Variants in ELF5 observed in about 807,000 individuals in gnomAD.
ELF5 encodes the protein ETS-related transcription factor Elf-5.
A neutral mutation model predicts 38.2 loss-of-function variants in ELF5; 31 were observed. That is an observed-to-expected ratio of 0.81 (90% confidence interval 0.61 to 1.10). The LOEUF (loss-of-function observed/expected upper bound fraction) is 1.10. ELF5 is among the 50% of genes least tolerant of loss of function. ELF5 has a pLI of 0.00. For missense variants in ELF5, 300 were observed against 306.6 expected (o/e 0.98, Z 0.16); for synonymous variants, 121 against 112.5 (o/e 1.08, Z -0.48).
chr11:34,503,488 G>C (rs535949324), intron 2 of ELF5, among the ~76,000 whole-genome samples: 2 of 150,186 alleles, frequency 1.3e-5, no homozygotes, highest in Non-Finnish European at 1.5e-5. Flanking sequence ...TCTCACTGTC[G>C]CTCAGGCTGG....
intron 2 of ELF5, among the ~76,000 whole-genome samples, chr11:34,495,787 C>A (rs1363014182): frequency 1.3e-5 from 2 of 152,226 alleles, no homozygotes; most frequent in East Asian, 3.9e-4. Flanking sequence ...AGCTGGCTTA[C>A]CAGGCCCGTG....
intron 2 of ELF5, among the ~76,000 whole-genome samples, chr11:34,495,031 A>C (rs1041527965): frequency 2.0e-5 from 3 of 152,194 alleles, no homozygotes; most frequent in Non-Finnish European, 2.9e-5. Flanking sequence ...AGATCACAGA[A>C]GAGGAACTTG....
intron 4 of ELF5, among the ~76,000 whole-genome samples, chr11:34,487,728 G>A (rs1331995481): frequency 3.9e-5 from 6 of 151,916 alleles, no homozygotes; most frequent in African/African-American, 7.3e-5. Flanking sequence ...AAGTTATTAC[G>A]CCTCCACTAT....
intron 1 of ELF5, chr11:34,511,537 C>A: frequency 1.9e-6 from 3 of 1,614,222 alleles, no homozygotes; most frequent in Non-Finnish European, 2.5e-6. Flanking sequence ...AAGTTGGCTG[C>A]AGGTACCTGT....
At position 34,480,267 on chromosome 11, in the gene ELF5, A is replaced by C. The variant is rs1856902767; in HGVS notation, c.719T>G (p.Val240Gly). The change falls in exon 7 of 7, where the codon GTG (valine) becomes GGG (glycine). Residue 240 changes from valine (V) to glycine (G), a missense_variant. Transcript: ENST00000257832. ...GTGTGCATTTTTTCCAAATTTGTAC[A>C]CTAACCTTCGGTCAACCCGCTCCAA... ...GILERVDRRL[V>G]YKFGKNAHGW... 1.1e-5 allele frequency: 18 copies of C among 1,614,104 alleles called. No individual in the cohort carries two copies. The highest frequency in any genetic ancestry group is 1.5e-5 in the Non-Finnish European group (18 of 1,180,006).
chr11:34,485,379 G>A lies in ELF5; in HGVS notation c.407-2880C>T, dbSNP rs554059226. On this transcript the variant is annotated intron_variant, in intron 4 of 6. Transcript: ENST00000257832. The stretch of plus-strand genomic sequence containing the variant: ...AACCTTCCCCACCCTTATGAGATAT[G>A]TCTATTACTACCCCCAGATCGATCT... 1.8e-4 allele frequency among the ~76,000 whole-genome samples: 27 copies of A among 152,292 alleles called. No individual in the cohort carries two copies. The South Asian group carries it at 4.8e-3, about 27-fold the overall frequency.
intron 2 of ELF5, among the ~76,000 whole-genome samples, chr11:34,494,641 T>C (rs572739649): frequency 3.2e-4 from 49 of 152,318 alleles, no homozygotes; most frequent in African/African-American, 1.1e-3. Flanking sequence ...GTTCAACAGT[T>C]CTGTCCTTCT....
intron 2 of ELF5, among the ~76,000 whole-genome samples, chr11:34,494,460 T>G (rs1850265553): frequency 1.3e-5 from 2 of 151,678 alleles, no homozygotes; most frequent in Admixed American, 1.3e-4. Flanking sequence ...CATGGGAGAG[T>G]TGGTTGTATT....
intron 4 of ELF5, among the ~76,000 whole-genome samples, chr11:34,482,793 C>G (rs1468128270): frequency 6.6e-6 from 1 of 152,098 alleles, no homozygotes; most frequent in African/African-American, 2.4e-5. Context: ...GACTTTATAT[C>G]AAAGTGTAGA....
At chr11:34,484,481 A>ATACTATCCTATCCTATCCTATACTAT (rs111444312) in intron 4 of ELF5, among the ~76,000 whole-genome samples, 13 of 115,922 alleles carry the variant, frequency 1.1e-4, no homozygotes, top group East Asian at 7.4e-4. Context: ...ACACTATACT[A>ATACTATCCTATCCTATCCTATACTAT]ACTATACTAT....
At chr11:34,504,085 G>A (rs1480166286) in intron 2 of ELF5, among the ~76,000 whole-genome samples, 1 of 152,152 alleles carries the variant, frequency 6.6e-6, no homozygotes, top group Non-Finnish European at 1.5e-5. Context: ...CAGAAAGAGG[G>A]GGCTCTCATG....
Position 34,480,103 on chromosome 11 carries a change from G to T in ELF5, c.*115C>A. 2 of 812,656 alleles carry T rather than the reference G, an allele frequency of 2.5e-6. No homozygotes were observed. Among genetic ancestry groups the T allele is most frequent in the Non-Finnish European group, 2.0e-6 (1 of 511,508 alleles). 50.3% of individuals were successfully genotyped at this position (812,656 alleles called of 1,614,324 possible). A position where few individuals can be genotyped will look rare whatever the true frequency, so the allele number is the denominator to read the frequency against. ...GCTGAGATGTGGAGAAATTTTATCA[G>T]CATGTTTGCAGGTTAAAAAAAAAGA... On this transcript the variant is annotated 3_prime_UTR_variant, in exon 7 of 7. Transcript: ENST00000257832.
At chr11:34,493,436 A>C (rs1461566089) in intron 3 of ELF5, 43 bp downstream of exon 3, 4 of 1,581,002 alleles carry the variant, frequency 2.5e-6, no homozygotes, top group Non-Finnish European at 3.5e-6. Flanking sequence ...TTTGGTCCTA[A>C]TCCTGGTCCC....
chr11:34,505,728 T>C lies in ELF5; in HGVS notation c.22A>G (p.Ser8Gly), dbSNP rs138296373. The C allele has an allele frequency of 6.2e-7, 1 of 1,613,802 alleles. No homozygotes were observed. Among genetic ancestry groups the C allele is most frequent in the African/African-American group, 1.3e-5 (1 of 74,932 alleles). Residue 8 changes from serine to glycine, a missense_variant, in exon 2 of 7, where the codon AGC (serine) becomes GGC (glycine). Transcript: ENST00000257832. The part of the protein sequence containing the change: MLDSVTH[S>G]TFLPNASFCD... ...AAGGATGCATTAGGCAGGAAGGTGC[T>C]GTGTGTCACCGAGTCCAACATTACC...
intron 2 of ELF5, among the ~76,000 whole-genome samples, chr11:34,494,925 A>C (rs531408433): frequency 4.2e-4 from 64 of 152,330 alleles, no homozygotes; most frequent in African/African-American, 1.4e-3. Context: ...TTTAAATGCT[A>C]TTACAAACAT....
Position 34,480,978 on chromosome 11 carries a change from G to A in ELF5, c.476-11C>T, listed in dbSNP as rs891185402. 1.0e-5 allele frequency: 16 copies of A among 1,574,526 alleles called. No homozygotes were observed. The highest frequency in any genetic ancestry group is 1.4e-5 in the Non-Finnish European group (16 of 1,164,774). On this transcript the variant is annotated splice_polypyrimidine_tract_variant and intron_variant, in intron 5 of 6. Coordinates refer to ENST00000257832, the MANE Select transcript of ELF5 (RefSeq NM_001422.4). ...GAGAACTTTGGAGGCCTTTTGAAAA[G>A]GGGAAAACATTAACTATTTACCATT...
In ELF5 at chr11:34,511,703, C is replaced by A; in HGVS notation, c.-5+1974G>T. ...GTGGGCTTCTCAGTGTCACACAAATCAGAGGCAGCAATAACAGGTGTGGCT... is the reference window on the plus strand; with the variant it reads ...GTGGGCTTCTCAGTGTCACACAAATAAGAGGCAGCAATAACAGGTGTGGCT... On this transcript the variant is annotated intron_variant, in intron 1 of 6. Coordinates refer to ENST00000257832, the MANE Select transcript of ELF5 (RefSeq NM_001422.4). 1.2e-5 allele frequency: 13 copies of A among 1,089,460 alleles called. No individual in the cohort carries two copies. The South Asian group carries it at 1.9e-4, about 16-fold the overall frequency. The allele number at this position is 1,089,460 out of a possible 1,614,324, so 67.5% of individuals were successfully genotyped here.
intron 6 of ELF5, 136 bp from the exon 7 acceptor site, chr11:34,480,450 A>G: frequency 1.4e-6 from 1 of 709,342 alleles, no homozygotes; most frequent in African/African-American, 1.8e-5. Context: ...ATGCCCTGTT[A>G]TCAACTTACA....
chr11:34,496,808 C>T (rs1941725310), intron 2 of ELF5, among the ~76,000 whole-genome samples: 1 of 152,098 alleles, frequency 6.6e-6, no homozygotes, highest in African/African-American at 2.4e-5. Context: ...AGGAGATTGC[C>T]GTTCCGGGGA....
Sources: allele counts gnomAD v4.1 joint callset (sites outside exome capture counted in the v4.1 genomes callset), GRCh38; gene constraint gnomAD v4.1.1; transcripts MANE v1.5; gene names NCBI Gene and HGNC (gene_info 2026-07-23, HGNC 2026-07-21).